The following CEP63 variants were observed in gnomAD, a reference collection of about 807,000 sequenced individuals.
CEP63 encodes the protein centrosomal protein 63.
In CEP63, 84 loss-of-function variants were observed where a neutral mutation model predicts 89.1. That is an observed-to-expected ratio of 0.94 (90% confidence interval 0.79 to 1.13). The LOEUF (loss-of-function observed/expected upper bound fraction) is 1.13, where lower values mean the gene tolerates loss of function less well. Ranked by LOEUF, CEP63 falls within the 50% of genes most tolerant of loss-of-function variation. The probability of loss-of-function intolerance (pLI) is 0.00; values close to 1 mark genes in which losing one functional copy is unlikely to be tolerated. For missense variants in CEP63, 838 were observed against 813.3 expected (o/e 1.03, Z -0.37); for synonymous variants, 267 against 272.5 (o/e 0.98, Z 0.20).
the CEP63 span, among the ~76,000 whole-genome samples, chr3:134,729,574 G>T: frequency 1.3e-5 from 2 of 152,168 alleles, no homozygotes; most frequent in Admixed American, 1.3e-4. Context: ...AAAAGGGTAA[G>T]ATCTGGTTCA....
the CEP63 span, among the ~76,000 whole-genome samples, chr3:134,637,473 C>A: frequency 6.6e-6 from 1 of 152,198 alleles, no homozygotes; most frequent in African/African-American, 2.4e-5. Flanking sequence ...ACACAATGAT[C>A]TGAGTAGTCC....
At chr3:134,640,674 C>T in the CEP63 span, among the ~76,000 whole-genome samples, 2 of 152,190 alleles carry the variant, frequency 1.3e-5, no homozygotes, top group African/African-American at 4.8e-5. Flanking sequence ...ATGGCAGGTG[C>T]TGGCACCAAC....
chr3:134,578,374 A>C (rs1294451552), downstream of CEP63, among the ~76,000 whole-genome samples: 1 of 128,564 alleles, frequency 7.8e-6, no homozygotes, highest in East Asian at 2.3e-4. Context: ...CTGGTCACCC[A>C]GGCTGGAGTG....
the CEP63 span, among the ~76,000 whole-genome samples, chr3:134,759,942 ATTGCC>A: frequency 6.6e-6 from 1 of 152,180 alleles, no homozygotes; most frequent in Non-Finnish European, 1.5e-5. Context: ...AGGTTAAGTA[ATTGCC>A]TAAAAAACAG....
chr3:134,729,050 C>A, the CEP63 span, among the ~76,000 whole-genome samples: 1 of 152,108 alleles, frequency 6.6e-6, no homozygotes, highest in Non-Finnish European at 1.5e-5. Context: ...CACACAGTCT[C>A]ATTTATCTTA....
the CEP63 span, among the ~76,000 whole-genome samples, chr3:134,667,862 T>A: frequency 6.6e-6 from 1 of 152,356 alleles, no homozygotes. Flanking sequence ...CAGGAGGGCA[T>A]CTTTTATTGG....
the CEP63 span, among the ~76,000 whole-genome samples, chr3:134,662,515 G>A: frequency 1.3e-5 from 2 of 152,152 alleles, no homozygotes; most frequent in South Asian, 2.1e-4. Flanking sequence ...TCTATGCTGG[G>A]CCCTATGCTA....
the CEP63 span, among the ~76,000 whole-genome samples, chr3:134,765,269 C>A: frequency 6.6e-6 from 1 of 152,214 alleles, no homozygotes; most frequent in African/African-American, 2.4e-5. Flanking sequence ...GTTGTTCATT[C>A]ATTCATTTGG....
the CEP63 span, chr3:134,629,640 CT>C: frequency 1.9e-6 from 3 of 1,601,528 alleles, no homozygotes; most frequent in Non-Finnish European, 2.6e-6. Flanking sequence ...AGGAGAACTT[CT>C]TGAGCAGCTG....
chr3:134,773,478 G>A, the CEP63 span, among the ~76,000 whole-genome samples: 8 of 152,284 alleles, frequency 5.3e-5, no homozygotes, highest in African/African-American at 1.4e-4. Flanking sequence ...ATTCCTAGAG[G>A]GAAGGAGTGA....
chr3:134,735,432 C>G, the CEP63 span, among the ~76,000 whole-genome samples: 2 of 152,116 alleles, frequency 1.3e-5, no homozygotes, highest in Non-Finnish European at 2.9e-5. Flanking sequence ...CACTAGACAG[C>G]AGTTTAACAC....
At chr3:134,506,569 G>A (rs1943498114) in intron 2 of CEP63, among the ~76,000 whole-genome samples, 1 of 152,162 alleles carries the variant, frequency 6.6e-6, no homozygotes, top group East Asian at 1.9e-4. Flanking sequence ...GGTTGGCTAT[G>A]AGAGGAAGAT....
chr3:134,558,365 T>C lies in CEP63; in HGVS notation c.1673+18T>C, dbSNP rs371707162. 85 of 1,520,734 alleles carry C rather than the reference T, an allele frequency of 5.6e-5. No homozygotes were observed. Among genetic ancestry groups the C allele is most frequent in the Non-Finnish European group, 7.5e-5 (82 of 1,097,152 alleles). 94.2% of individuals were successfully genotyped at this position (1,520,734 alleles called of 1,614,324 possible). ...GAGTTCAAGTAAAATTTTTTAAAAG[T>C]TTATTTAAAATGTGTATTGGTACAA... On this transcript the variant is annotated intron_variant, in intron 13 of 14. Transcript: ENST00000675561.
rs761870856 is a variant in CEP63, at chr3:134,545,770, A to ATTCCC, written c.740_741insTTCCC (p.Glu247AspfsTer11). 6.2e-7 allele frequency: 1 copy of ATTCCC among 1,613,854 alleles called. No individual in the cohort carries two copies. Among genetic ancestry groups the ATTCCC allele is most frequent in the Non-Finnish European group, 8.5e-7 (1 of 1,179,940 alleles). ...GGAACCAGTATGACTGTCCTACAGGAGCAGCAGCAAAAAGAAGAAAAATTG... is the reference window on the plus strand; with the variant it reads ...GGAACCAGTATGACTGTCCTACAGGATTCCCGCAGCAGCAAAAAGAAGAAAAATTG... On this transcript the variant is annotated frameshift_variant, in exon 7 of 15. Coordinates refer to ENST00000675561, the MANE Select transcript of CEP63 (RefSeq NM_001353108.3). LOFTEE classifies it high-confidence loss of function.
intron 3 of CEP63, among the ~76,000 whole-genome samples, chr3:134,526,501 T>C (rs1948668336): frequency 6.6e-6 from 1 of 152,162 alleles, no homozygotes; most frequent in Non-Finnish European, 1.5e-5. Context: ...AGTTCCTGCA[T>C]TGTTTTATCA....
Position 134,562,062 on chromosome 3 carries a change from AAG to A in CEP63, c.*528_*529del, listed in dbSNP as rs1491416105. The A allele has an allele frequency of 2.0e-6, 2 of 995,280 alleles. No homozygotes were observed. The highest frequency in any genetic ancestry group is 1.1e-4 in the East Asian group (1 of 9,138). The allele number at this position is 995,280 out of a possible 1,614,324, so 61.7% of individuals were successfully genotyped here. A position where few individuals can be genotyped will look rare whatever the true frequency, so the allele number is the denominator to read the frequency against. On this transcript the variant is annotated 3_prime_UTR_variant, in exon 15 of 15. Transcript: ENST00000675561. ...GTGTAAAGTCAGGCTGGTAGTGAAT[AAG>A]GGGGGGGTGTGCTAAAGAACCTTAT...
the CEP63 span, among the ~76,000 whole-genome samples, chr3:134,776,433 C>G: frequency 6.6e-6 from 1 of 152,060 alleles, no homozygotes; most frequent in South Asian, 2.1e-4. Context: ...TCCTTGGGAT[C>G]TGGTGTATAT....
intron 2 of CEP63, among the ~76,000 whole-genome samples, chr3:134,506,529 C>G (rs563835028): frequency 2.6e-5 from 4 of 152,304 alleles, no homozygotes; most frequent in African/African-American, 9.6e-5. Flanking sequence ...AAACATCAAT[C>G]TTGTGCTTAA....
chr3:134,615,943 T>C, the CEP63 span, among the ~76,000 whole-genome samples: 2 of 152,196 alleles, frequency 1.3e-5, no homozygotes, highest in African/African-American at 4.8e-5. Flanking sequence ...GACAACCAAC[T>C]CCCTCAGTGT....
Sources: gnomAD v4.1 joint callset for allele counts (sites outside exome capture counted in the v4.1 genomes callset) on GRCh38, gnomAD v4.1.1 for gene constraint, MANE v1.5 for transcripts, NCBI Gene and HGNC (gene_info 2026-07-23, HGNC 2026-07-21) for gene names.